BBS9: variants seen among roughly 807,000 people sequenced by gnomAD.
BBS9 encodes the protein protein PTHB1.
BBS9 carries 89 observed loss-of-function variants against 117.7 expected under a neutral mutation model. The ratio of observed to expected loss-of-function variants is 0.76; its 90% confidence interval spans 0.64 to 0.90. BBS9 has a LOEUF of 0.90. Ranked by LOEUF, BBS9 falls within the 40% of genes least tolerant of loss-of-function variation. The pLI is 0.00. For missense variants in BBS9, 982 were observed against 1,042.2 expected, an observed-to-expected ratio of 0.94 and a Z score of 0.80; for synonymous variants, 379 against 370.9, an observed-to-expected ratio of 1.02 and a Z score of -0.25.
At chr7:33,290,262 C>T (rs778787865) in intron 9 of BBS9, among the ~76,000 whole-genome samples, 1 of 152,218 alleles carries the variant, frequency 6.6e-6, no homozygotes. Context: ...ACCTTAGCAA[C>T]GTGCATGCCA....
chr7:33,456,069 C>G (rs1441296514), intron 19 of BBS9, among the ~76,000 whole-genome samples: 1 of 152,098 alleles, frequency 6.6e-6, no homozygotes, highest in Non-Finnish European at 1.5e-5. Context: ...GCCCATCAGC[C>G]AAGATGTGAG....
chr7:33,254,137 T>C (rs933918469), intron 5 of BBS9, among the ~76,000 whole-genome samples: 4 of 152,244 alleles, frequency 2.6e-5, no homozygotes, highest in African/African-American at 2.4e-5. Context: ...TTATTTGATA[T>C]GTGTTTTATA....
intron 1 of BBS9, among the ~76,000 whole-genome samples, chr7:33,140,270 T>C (rs12666022): frequency 0.55 from 83,641 of 151,822 alleles, 23,324 homozygotes; most frequent in East Asian, 0.67. Context: ...GTGATCTGCC[T>C]GCCTCGGCCT....
intron 5 of BBS9, among the ~76,000 whole-genome samples, chr7:33,207,910 C>T (rs917957705): frequency 3.3e-5 from 5 of 151,956 alleles, no homozygotes; most frequent in African/African-American, 9.7e-5. Context: ...TGGGTTCAAG[C>T]GATTCTCCTG....
At chr7:33,405,030 A>C (rs1197744843) in intron 19 of BBS9, among the ~76,000 whole-genome samples, 2 of 152,160 alleles carry the variant, frequency 1.3e-5, no homozygotes, top group Non-Finnish European at 2.9e-5. Context: ...TCAATACCGA[A>C]CTTATTGAGA....
rs372270040 is a variant in BBS9, at chr7:33,532,226, G to A, written c.2299-1728G>A. Among the ~76,000 whole-genome samples, 13 of 152,322 alleles carry A rather than the reference G, an allele frequency of 8.5e-5. 1 individual carries two copies. The South Asian group carries it at 2.7e-3, about 32-fold the overall frequency. On this transcript the variant is annotated intron_variant, in intron 20 of 22. Transcript: ENST00000242067. Reference sequence around the variant, plus strand: ...GAGGTTAGGGCATTGTAGCATGAGCGACGGCCATGTGCAGAGGCCTAAGGG... The same window carrying A: ...GAGGTTAGGGCATTGTAGCATGAGCAACGGCCATGTGCAGAGGCCTAAGGG...
intron 6 of BBS9, among the ~76,000 whole-genome samples, chr7:33,258,900 A>T (rs540228825): frequency 1.6e-4 from 25 of 152,214 alleles, no homozygotes; most frequent in Non-Finnish European, 2.8e-4. Context: ...AACTGTGGTA[A>T]GTCTCCAACA....
intron 19 of BBS9, among the ~76,000 whole-genome samples, chr7:33,428,444 G>GTTT (rs1295533370): frequency 1.3e-5 from 2 of 152,136 alleles, no homozygotes; most frequent in Non-Finnish European, 2.9e-5. Context: ...ACACCTCAGT[G>GTTT]TTTTATGGGT....
intron 19 of BBS9, among the ~76,000 whole-genome samples, chr7:33,405,765 A>G (rs1829833699): frequency 6.6e-6 from 1 of 152,034 alleles, no homozygotes; most frequent in African/African-American, 2.4e-5. Context: ...CTAGCGGTCT[A>G]TCAATTTTGT....
At chr7:33,281,830 T>A (rs1269830180) in intron 9 of BBS9, among the ~76,000 whole-genome samples, 12 of 152,098 alleles carry the variant, frequency 7.9e-5, no homozygotes, top group Non-Finnish European at 1.8e-4. Flanking sequence ...TATTATTATT[T>A]TTGTGACAGG....
intron 20 of BBS9, among the ~76,000 whole-genome samples, chr7:33,508,920 C>T (rs1347228065): frequency 6.6e-6 from 1 of 152,164 alleles, no homozygotes; most frequent in Non-Finnish European, 1.5e-5. Flanking sequence ...AATATGTAAG[C>T]ATGCTTATCC....
intron 19 of BBS9, among the ~76,000 whole-genome samples, chr7:33,396,020 G>A (rs1417731762): frequency 2.6e-5 from 4 of 152,142 alleles, no homozygotes; most frequent in Admixed American, 2.0e-4. Context: ...GGTGAGAAAG[G>A]AGGAGGAAGC....
At chr7:33,194,614 C>T (rs1240079833) in intron 5 of BBS9, among the ~76,000 whole-genome samples, 1 of 152,112 alleles carries the variant, frequency 6.6e-6, no homozygotes, top group Non-Finnish European at 1.5e-5. Context: ...TTGAATAATT[C>T]TGGTAGACTT....
chr7:33,215,801 T>C (rs1426516714), intron 5 of BBS9, among the ~76,000 whole-genome samples: 1 of 152,268 alleles, frequency 6.6e-6, no homozygotes, highest in African/African-American at 2.4e-5. Context: ...GCTAAAAAAG[T>C]AGATCTCATG....
Position 33,418,034 on chromosome 7 carries a change from A to G in BBS9, c.2115+29890A>G, listed in dbSNP as rs541830317. ...ATCCATCTTGTTCACTCTACCAAGCACAGTGCCTTGCGTACAGCATGCCTA... is the reference window on the plus strand; with the variant it reads ...ATCCATCTTGTTCACTCTACCAAGCGCAGTGCCTTGCGTACAGCATGCCTA... On this transcript the variant is annotated intron_variant, in intron 19 of 22. Transcript: ENST00000242067. Among the ~76,000 whole-genome samples, 4 of 152,322 alleles carry G rather than the reference A, an allele frequency of 2.6e-5. No homozygotes were observed. In the South Asian group the frequency reaches 8.3e-4, roughly 32 times the overall value.
intron 10 of BBS9, among the ~76,000 whole-genome samples, chr7:33,336,996 GTTC>G (rs1815511470): frequency 6.6e-6 from 1 of 152,038 alleles, no homozygotes; most frequent in African/African-American, 2.4e-5. Context: ...AACAACTTTA[GTTC>G]TTCTTTTAAA....
At chr7:33,366,707 G>A (rs1821832336) in intron 16 of BBS9, among the ~76,000 whole-genome samples, 1 of 151,696 alleles carries the variant, frequency 6.6e-6, no homozygotes, top group African/African-American at 2.4e-5. Context: ...ACCACACCCG[G>A]CTAATATTTT....
In BBS9 at chr7:33,170,148, A is replaced by G. The variant is rs556303571; in HGVS notation, c.329-7330A>G. Among the ~76,000 whole-genome samples the G allele has an allele frequency of 5.9e-5, 9 of 151,698 alleles. No individual in the cohort carries two copies. The South Asian group carries it at 1.9e-3, about 32-fold the overall frequency. On this transcript the variant is annotated intron_variant, in intron 4 of 22. Coordinates refer to ENST00000242067, the MANE Select transcript of BBS9 (RefSeq NM_198428.3). ...ACCAAAGCCTGGAAGAGACACAACC[A>G]AAAAAGAGAATTTTAGACCAATATA...
chr7:33,368,673 A>C (rs1388605359), intron 17 of BBS9, among the ~76,000 whole-genome samples: 1 of 151,542 alleles, frequency 6.6e-6, no homozygotes, highest in Non-Finnish European at 1.5e-5. Context: ...AAAAAACTCT[A>C]GTTTTTCTGG....
Sources: gnomAD v4.1 joint callset for allele counts (sites outside exome capture counted in the v4.1 genomes callset) on GRCh38, gnomAD v4.1.1 for gene constraint, MANE v1.5 for transcripts, NCBI Gene and HGNC (gene_info 2026-07-23, HGNC 2026-07-21) for gene names.